CSMD1: variants seen among roughly 807,000 people sequenced by gnomAD.
CSMD1 encodes the protein CUB and Sushi multiple domains 1.
In CSMD1, 213 loss-of-function variants were observed where a neutral mutation model predicts 417.5. That is an observed-to-expected ratio of 0.51 (90% CI 0.46 to 0.57). The LOEUF is 0.57. Among genes scored for constraint, CSMD1 ranks in the 20% least tolerant of loss-of-function variants. The probability of loss-of-function intolerance (pLI) is 0.00; values close to 1 mark genes in which losing one functional copy is unlikely to be tolerated. For synonymous variants in CSMD1, 2,862 were observed against 1,736.8 expected (o/e 1.65, Z -16.11); for missense variants, 6,923 against 4,529.7 (o/e 1.53, Z -15.17).
At chr8:2,981,787 T>C (rs1425502738) in intron 54 of CSMD1, among the ~76,000 whole-genome samples, 1 of 152,080 alleles carries the variant, frequency 6.6e-6, no homozygotes, top group East Asian at 1.9e-4. Context: ...CCGGGATCAA[T>C]AACAGGTCCA....
intron 1 of CSMD1, among the ~76,000 whole-genome samples, chr8:4,759,069 T>G (rs968167354): frequency 6.6e-6 from 1 of 152,208 alleles, no homozygotes; most frequent in Non-Finnish European, 1.5e-5. Context: ...TATTAAGATA[T>G]GCTCTGGGAG....
intron 1 of CSMD1, among the ~76,000 whole-genome samples, chr8:4,962,057 C>T (rs944758775): frequency 6.6e-6 from 1 of 151,164 alleles, no homozygotes; most frequent in Non-Finnish European, 1.5e-5. Context: ...TGATTTACTC[C>T]ATTATATCTA....
At chr8:3,734,258 A>T (rs1796413090) in intron 6 of CSMD1, among the ~76,000 whole-genome samples, 1 of 152,172 alleles carries the variant, frequency 6.6e-6, no homozygotes, top group Non-Finnish European at 1.5e-5. Flanking sequence ...GCACCATTCC[A>T]TGTTTCATCT....
chr8:3,453,667 G>C (rs1168469195), intron 12 of CSMD1, among the ~76,000 whole-genome samples: 2 of 152,148 alleles, frequency 1.3e-5, no homozygotes, highest in Non-Finnish European at 2.9e-5. Flanking sequence ...TTGCACTGTG[G>C]TCTGAGAGAC....
chr8:4,870,021 A>T (rs1802643214), intron 1 of CSMD1, among the ~76,000 whole-genome samples: 1 of 152,154 alleles, frequency 6.6e-6, no homozygotes, highest in African/African-American at 2.4e-5. Context: ...TTTATGGACA[A>T]CCGTAAAGTA....
intron 5 of CSMD1, among the ~76,000 whole-genome samples, chr8:3,846,735 G>A (rs1803531067): frequency 6.6e-6 from 1 of 152,096 alleles, no homozygotes; most frequent in South Asian, 2.1e-4. Flanking sequence ...TTGACTCACT[G>A]CAACCTCGAC....
At chr8:4,711,400 G>C (rs1808287837) in intron 1 of CSMD1, among the ~76,000 whole-genome samples, 1 of 152,114 alleles carries the variant, frequency 6.6e-6, no homozygotes, top group Non-Finnish European at 1.5e-5. Flanking sequence ...TTTCGTACCA[G>C]TGATTCTCAG....
intron 3 of CSMD1, among the ~76,000 whole-genome samples, chr8:4,203,434 C>G (rs903983030): frequency 1.3e-5 from 2 of 152,058 alleles, no homozygotes; most frequent in Non-Finnish European, 2.9e-5. Flanking sequence ...CTCACAGCAG[C>G]CAGAAAAAAA....
At chr8:3,160,339 T>C (rs1819804716) in intron 38 of CSMD1, among the ~76,000 whole-genome samples, 1 of 152,132 alleles carries the variant, frequency 6.6e-6, no homozygotes, top group Non-Finnish European at 1.5e-5. Context: ...CCCAGGCTGG[T>C]CTCAAACTCC....
intron 1 of CSMD1, among the ~76,000 whole-genome samples, chr8:4,639,356 C>A (rs1009519910): frequency 2.0e-5 from 3 of 148,372 alleles, no homozygotes; most frequent in African/African-American, 7.5e-5. Context: ...AAGCTGAAAA[C>A]GGGGCAGACA....
intron 7 of CSMD1, among the ~76,000 whole-genome samples, chr8:3,632,514 T>C (rs1355522487): frequency 6.6e-6 from 1 of 152,180 alleles, no homozygotes; most frequent in African/African-American, 2.4e-5. Context: ...GTGATGGGCG[T>C]TGAAGATGAG....
At chr8:3,711,279 T>C (rs567920681) in intron 6 of CSMD1, among the ~76,000 whole-genome samples, 1 of 152,200 alleles carries the variant, frequency 6.6e-6, no homozygotes, top group South Asian at 2.1e-4. Flanking sequence ...ATCAGAGCCA[T>C]GAATAGACCA....
chr8:4,315,170 G>T (rs902897190), intron 3 of CSMD1, among the ~76,000 whole-genome samples: 1 of 152,170 alleles, frequency 6.6e-6, no homozygotes, highest in Non-Finnish European at 1.5e-5. Flanking sequence ...GGAGACAGAT[G>T]ACACTTTCTG....
intron 3 of CSMD1, among the ~76,000 whole-genome samples, chr8:4,066,743 C>G (rs943027962): frequency 8.6e-5 from 13 of 152,010 alleles, no homozygotes; most frequent in Non-Finnish European, 1.5e-5. Flanking sequence ...GACTGAGATG[C>G]AATCCAAACC....
intron 26 of CSMD1, among the ~76,000 whole-genome samples, chr8:3,241,891 G>C (rs1274697217): frequency 6.6e-6 from 1 of 151,812 alleles, no homozygotes; most frequent in East Asian, 1.9e-4. Context: ...TGGGGTTTGA[G>C]GGCTGGAATT....
At chr8:4,828,682 G>C (rs187396559) in intron 1 of CSMD1, among the ~76,000 whole-genome samples, 7 of 152,078 alleles carry the variant, frequency 4.6e-5, no homozygotes. Context: ...CCAGAGCCCA[G>C]GTGTGTAAAA....
intron 3 of CSMD1, among the ~76,000 whole-genome samples, chr8:4,173,187 A>C (rs886386656): frequency 3.9e-5 from 6 of 152,186 alleles, no homozygotes; most frequent in African/African-American, 1.4e-4. Context: ...CAGGATGCTC[A>C]ATTAAAAGTG....
At chr8:4,560,768 G>A (rs754554046) in intron 2 of CSMD1, among the ~76,000 whole-genome samples, 2 of 152,158 alleles carry the variant, frequency 1.3e-5, no homozygotes, top group Admixed American at 6.5e-5. Flanking sequence ...TCTTCAGAGT[G>A]CTGCACCTGC....
intron 10 of CSMD1, among the ~76,000 whole-genome samples, chr8:3,527,543 G>A (rs779731814): frequency 3.0e-4 from 46 of 152,188 alleles, no homozygotes; most frequent in Non-Finnish European, 4.7e-4. Context: ...TTGTGGCCAT[G>A]GTCACAAGAA....
Sources: allele counts gnomAD v4.1 joint callset (sites outside exome capture counted in the v4.1 genomes callset), GRCh38; gene constraint gnomAD v4.1.1; transcripts MANE v1.5; gene names NCBI Gene and HGNC (gene_info 2026-07-23, HGNC 2026-07-21).